HSPD1: variants seen among roughly 807,000 people sequenced by gnomAD.
HSPD1 encodes the protein 60 kDa heat shock protein, mitochondrial.
In HSPD1, 3 loss-of-function variants were observed where a neutral mutation model predicts 53.0. The observed-to-expected ratio is 0.06, with a 90% CI of 0.03 to 0.15. The LOEUF (loss-of-function observed/expected upper bound fraction) is 0.15. Ranked by LOEUF, HSPD1 falls within the 10% of genes least tolerant of loss-of-function variation. The pLI is 1.00. For missense variants in HSPD1, 431 were observed against 694.1 expected (o/e 0.62, Z 4.26); for synonymous variants, 200 against 228.0 (o/e 0.88, Z 1.10).
rs1450414869 is a variant in HSPD1 at position 197,486,834 on chromosome 2, T to C, written c.*212A>G. ...TGTACAAATGTTTTTTATTCAAAAA[T>C]ACAAAATAAATTATCTGTAGGCATG... On this transcript the variant is annotated 3_prime_UTR_variant, in exon 12 of 12. Transcript: ENST00000388968. The C allele has an allele frequency of 1.8e-6, 1 of 561,542 alleles. No homozygotes were observed. Among genetic ancestry groups the C allele is most frequent in the East Asian group, 3.1e-5 (1 of 32,646 alleles). 34.8% of individuals were successfully genotyped at this position (561,542 alleles called of 1,614,324 possible).
intron 3 of HSPD1, 93 bp from the exon 4 acceptor site, chr2:197,495,469 G>A: frequency 1.1e-6 from 1 of 935,200 alleles, no homozygotes. Flanking sequence ...ATATTTTAAT[G>A]CCTTAACTTA....
intron 11 of HSPD1, among the ~76,000 whole-genome samples, 154 bp from the exon 12 acceptor site, chr2:197,487,352 GC>G (rs2086038883): frequency 6.6e-6 from 1 of 152,112 alleles, no homozygotes; most frequent in Non-Finnish European, 1.5e-5. Context: ...TTCAAGACCA[GC>G]CTGGCCAACA....
At position 197,497,620 on chromosome 2, in the gene HSPD1, T is replaced by C. The variant is rs534181464; in HGVS notation, c.175-228A>G. 4 of 571,388 alleles carry C rather than the reference T, an allele frequency of 7.0e-6. No individual in the cohort carries two copies. The Admixed American group carries it at 1.2e-4, about 17-fold the overall frequency. The allele number at this position is 571,388 out of a possible 1,614,324, so 35.4% of individuals were successfully genotyped here. ...GAGCATAATTTTGAACTAGGTAATT[T>C]AGGAGATTAAAATCCTAGGGACTAA... On this transcript the variant is annotated intron_variant, in intron 2 of 11. Transcript: ENST00000388968.
chr2:197,491,727 A>G (rs1250168930), intron 7 of HSPD1, among the ~76,000 whole-genome samples: 1 of 152,242 alleles, frequency 6.6e-6, no homozygotes, highest in Non-Finnish European at 1.5e-5. Context: ...GTTTAAACTA[A>G]TAGTAAACTA....
At chr2:197,497,517 A>G in intron 2 of HSPD1, 125 bp from the exon 3 acceptor site, 1 of 974,928 alleles carries the variant, frequency 1.0e-6, no homozygotes, top group Non-Finnish European at 1.6e-6. Context: ...CATTTTTATC[A>G]GTCTTGCAGC....
At chr2:197,488,234 A>T (rs577179457) in intron 10 of HSPD1, 83 bp downstream of exon 10, 1 of 1,219,478 alleles carries the variant, frequency 8.2e-7, no homozygotes, top group South Asian at 1.3e-5. Context: ...TGAATGTGCT[A>T]TTCCATTTAG....
intron 11 of HSPD1, 43 bp from the exon 12 acceptor site, chr2:197,487,241 T>C: frequency 1.3e-6 from 2 of 1,559,784 alleles, no homozygotes; most frequent in African/African-American, 1.4e-5. Context: ...TAGTAAAATA[T>C]GAGCAAGACT....
At chr2:197,492,763 G>A (rs1361596936) in intron 7 of HSPD1, among the ~76,000 whole-genome samples, 1 of 151,752 alleles carries the variant, frequency 6.6e-6, no homozygotes, top group Non-Finnish European at 1.5e-5. Flanking sequence ...TGTAATCCCA[G>A]CACTTTGGGA....
At chr2:197,494,041 G>A in intron 6 of HSPD1, 116 bp downstream of exon 6, 2 of 626,702 alleles carry the variant, frequency 3.2e-6, no homozygotes, top group East Asian at 2.9e-5. Context: ...GGCGGAGGTT[G>A]CAGTGAGCAA....
chr2:197,495,329 A>C lies in HSPD1; in HGVS notation c.475T>G (p.Ser159Ala). Residue 159 changes from serine to alanine, a missense_variant, in exon 4 of 12, where the codon TCT becomes GCT. Ser to Ala is a moderately conservative substitution (Grantham distance 99). Around this residue, in one of 2 missense-constraint regions of HSPD1, gnomAD observed 386 missense variants for 657.6 expected, o/e 0.59. Coordinates refer to ENST00000388968, the MANE Select transcript of HSPD1 (RefSeq NM_002156.5). The part of the protein sequence containing the change: ...DAVIAELKKQ[S>A]KPVTTPEEIA... ...TCTTCAGGGGTGGTCACAGGTTTAG[A>C]CTGCTTTTTAAGTTCAGCAATTACA... is the stretch of plus-strand genomic sequence containing the variant. 2.5e-6 allele frequency: 4 copies of C among 1,611,268 alleles called. No homozygotes were observed. In the South Asian group the frequency reaches 4.4e-5, roughly 18 times the overall value.
Position 197,493,305 on chromosome 2 carries a change from A to G in HSPD1, c.869+19T>C. 1 of 1,603,082 alleles carries G rather than the reference A, an allele frequency of 6.2e-7. No homozygotes were observed. The highest frequency in any genetic ancestry group is 1.1e-5 in the South Asian group (1 of 90,848). On this transcript the variant is annotated intron_variant, in intron 7 of 11. Transcript: ENST00000388968. ...CTTTCACCGAGAAATATAAATCAAC[A>G]AATACCACTGCTTATTACCTATTCA...
At chr2:197,499,028 A>C in intron 1 of HSPD1, 178 bp from the exon 2 acceptor site, 1 of 681,606 alleles carries the variant, frequency 1.5e-6, no homozygotes, top group East Asian at 2.7e-5. Flanking sequence ...CCACTAGCGC[A>C]AGCTAAAGAG....
At chr2:197,497,455 G>A in intron 2 of HSPD1, 63 bp from the exon 3 acceptor site, 1 of 1,539,534 alleles carries the variant, frequency 6.5e-7, no homozygotes, top group East Asian at 2.2e-5. Context: ...TTTTAAAAAT[G>A]AGCAGTCTTC....
intron 2 of HSPD1, among the ~76,000 whole-genome samples, chr2:197,497,723 G>A (rs760063854): frequency 2.0e-5 from 3 of 152,240 alleles, no homozygotes; most frequent in Non-Finnish European, 4.4e-5. Flanking sequence ...ACTTTAGTTA[G>A]TGCCTGTTAT....
chr2:197,497,085 A>C (rs762483966), intron 3 of HSPD1, 55 bp downstream of exon 3: 2 of 1,558,988 alleles, frequency 1.3e-6, no homozygotes, highest in Admixed American at 3.3e-5. Context: ...CAAGGAATCA[A>C]TGCCTTAAAG....
chr2:197,496,540 A>G (rs1293266581), intron 3 of HSPD1, among the ~76,000 whole-genome samples: 5 of 152,226 alleles, frequency 3.3e-5, no homozygotes, highest in Admixed American at 6.5e-5. Flanking sequence ...AGGAAAACCA[A>G]GTCTTAGCAC....
intron 9 of HSPD1, among the ~76,000 whole-genome samples, 157 bp from the exon 10 acceptor site, chr2:197,488,648 C>A (rs1378580621): frequency 6.6e-6 from 1 of 152,134 alleles, no homozygotes; most frequent in African/African-American, 2.4e-5. Context: ...GTGAGTGGAT[C>A]ACTTGAGGTC....
chr2:197,495,539 G>A (rs2086147329), intron 3 of HSPD1, among the ~76,000 whole-genome samples, 163 bp from the exon 4 acceptor site: 1 of 151,434 alleles, frequency 6.6e-6, no homozygotes, highest in South Asian at 2.1e-4. Flanking sequence ...AGGCTAGAGT[G>A]CAGTAGCACA....
At chr2:197,488,235 T>C (rs1175920669) in intron 10 of HSPD1, 82 bp downstream of exon 10, 3 of 1,230,860 alleles carry the variant, frequency 2.4e-6, no homozygotes, top group Admixed American at 3.8e-5. Flanking sequence ...GAATGTGCTA[T>C]TCCATTTAGG....
Sources: gnomAD v4.1 joint callset for allele counts (sites outside exome capture counted in the v4.1 genomes callset) on GRCh38, gnomAD v4.1.1 for gene constraint, gnomAD v4.1.1 regional missense constraint, MANE v1.5 for transcripts, NCBI Gene and HGNC (gene_info 2026-07-23, HGNC 2026-07-21) for gene names.